PLOD3: variants seen among roughly 807,000 people sequenced by gnomAD.
PLOD3 encodes multifunctional procollagen lysine hydroxylase and glycosyltransferase LH3.
A neutral mutation model predicts 96.9 loss-of-function variants in PLOD3; 73 were observed. The ratio of observed to expected loss-of-function variants is 0.75; its 90% CI spans 0.62 to 0.92. The LOEUF (loss-of-function observed/expected upper bound fraction) is 0.92, where lower values mean the gene tolerates loss of function less well. Among genes scored for constraint, PLOD3 ranks in the 40% least tolerant of loss-of-function variants. The pLI is 0.00. For missense variants in PLOD3, 1,004 were observed against 1,004.3 expected, an observed-to-expected ratio of 1.00 and a Z score of 0.00; for synonymous variants, 454 against 413.7, an observed-to-expected ratio of 1.10 and a Z score of -1.18.
chr7:101,211,727 G>A lies in PLOD3; in HGVS notation c.1233-11C>T, dbSNP rs767111660. On this transcript the variant is annotated splice_polypyrimidine_tract_variant and intron_variant, in intron 11 of 18. Transcript: ENST00000223127. ...GGGGCGATCACCTTCCTGCGGACAG[G>A]TGGGGGTGAGGGCTGGGCAGACGGG... 58 of 1,601,792 alleles carry A rather than the reference G, an allele frequency of 3.6e-5. No homozygotes were observed. Among genetic ancestry groups the A allele is most frequent in the Non-Finnish European group, 4.9e-5 (57 of 1,175,100 alleles).
chr7:101,212,039 G>C (rs1798191879), intron 10 of PLOD3, 89 bp from the exon 11 acceptor site: 1 of 1,058,196 alleles, frequency 9.5e-7, no homozygotes, highest in African/African-American at 1.6e-5. Flanking sequence ...GAAGAGGAGG[G>C]AGGCAGTGTC....
intron 18 of PLOD3, 93 bp downstream of exon 18, chr7:101,206,686 G>T: frequency 2.9e-6 from 4 of 1,394,568 alleles, no homozygotes; most frequent in Non-Finnish European, 4.0e-6. Flanking sequence ...GAAATGGGCA[G>T]GGAGGGGAGC....
chr7:101,216,226 C>G lies in PLOD3; in HGVS notation c.439G>C (p.Glu147Gln). Residue 147 changes from glutamate (E) to glutamine (Q), a missense_variant, in exon 4 of 19, where the codon GAG (glutamate) becomes CAG (glutamine). Physicochemically the swap from Glu to Gln is conservative, Grantham distance 29. Coordinates refer to ENST00000223127, the MANE Select transcript of PLOD3 (RefSeq NM_001084.5). The part of the protein sequence containing the change: ...LFSAESFCWP[E>Q]WGLAEQYPEV... The stretch of plus-strand genomic sequence containing the variant: ...GGGTACTGCTCCGCCAGCCCCCACT[C>G]GGGCCAGCAGAAGCTCTCTGCAGAG... 1 of 1,613,902 alleles carries G rather than the reference C, an allele frequency of 6.2e-7. No homozygotes were observed. Among genetic ancestry groups the G allele is most frequent in the Non-Finnish European group, 8.5e-7 (1 of 1,180,036 alleles).
intron 17 of PLOD3, 50 bp from the exon 18 acceptor site, chr7:101,206,954 G>T (rs1317337871): frequency 7.8e-6 from 12 of 1,542,148 alleles, no homozygotes; most frequent in South Asian, 1.2e-5. Flanking sequence ...GGCGCAGGGG[G>T]TCTTTTATTT....
intron 1 of PLOD3, 39 bp downstream of exon 1, chr7:101,217,127 C>G (rs1323871440): frequency 6.9e-7 from 1 of 1,441,826 alleles, no homozygotes; most frequent in African/African-American, 1.4e-5. Context: ...ACGCCAGCCT[C>G]TGCCCCCTCG....
intron 6 of PLOD3, among the ~76,000 whole-genome samples, chr7:101,214,726 A>G (rs1798240997): frequency 6.6e-6 from 1 of 151,978 alleles, no homozygotes; most frequent in Non-Finnish European, 1.5e-5. Context: ...AATCCCAGCT[A>G]CTCGGGAGGC....
intron 6 of PLOD3, 73 bp from the exon 7 acceptor site, chr7:101,213,277 TG>T: frequency 1.0e-6 from 1 of 984,390 alleles, no homozygotes; most frequent in Non-Finnish European, 1.6e-6. Context: ...CTTCTAAATA[TG>T]GGGTCCCAAA....
At chr7:101,210,762 A>G in intron 12 of PLOD3, 89 bp from the exon 13 acceptor site, 3 of 1,456,238 alleles carry the variant, frequency 2.1e-6, no homozygotes, top group Non-Finnish European at 2.8e-6. Flanking sequence ...CCCTCAGGGT[A>G]TCCCAGTCCC....
At chr7:101,206,731 C>T (rs372567467) in intron 18 of PLOD3, 48 bp downstream of exon 18, 14 of 1,559,818 alleles carry the variant, frequency 9.0e-6, no homozygotes, top group East Asian at 2.4e-5. Context: ...GGTGGGGACC[C>T]GAGGGTCCTG....
Position 101,215,145 on chromosome 7 carries a change from A to C in PLOD3, c.623T>G (p.Leu208Arg), listed in dbSNP as rs370244221. 9 of 1,610,092 alleles carry C rather than the reference A, an allele frequency of 5.6e-6. No individual in the cohort carries two copies. The highest frequency in any genetic ancestry group is 7.7e-6 in the Non-Finnish European group (9 of 1,176,376). ...AGACTTATGATCCAGATTAAGGCTG[A>C]GTTTCTCCTAAATGGAATGAGATGC... ...LYLDPGLREK[L>R]SLNLDHKSRI... The change falls in exon 6 of 19, where the codon CTC becomes CGC. Residue 208 changes from leucine (L) to arginine (R), a missense_variant. This residue lies in a region of PLOD3 where 690 missense variants were observed against 650.2 expected (regional missense o/e 1.06). Transcript: ENST00000223127.
Position 101,217,415 on chromosome 7 carries a change from C to T in PLOD3, c.-141G>A. 1.2e-6 allele frequency: 1 copy of T among 822,350 alleles called. No individual in the cohort carries two copies. The highest frequency in any genetic ancestry group is 1.7e-6 in the Non-Finnish European group (1 of 587,376). 50.9% of individuals were successfully genotyped at this position (822,350 alleles called of 1,614,324 possible). Reference sequence around the variant, plus strand: ...GCGGGGAGCAGCTTGGCTGGGGCTACGCCCTGAAAAAAAGGCGTATCCGGA... The same window carrying T: ...GCGGGGAGCAGCTTGGCTGGGGCTATGCCCTGAAAAAAAGGCGTATCCGGA... On this transcript the variant is annotated 5_prime_UTR_variant, in exon 1 of 19. Coordinates refer to ENST00000223127, the MANE Select transcript of PLOD3 (RefSeq NM_001084.5).
At chr7:101,209,086 C>T in intron 15 of PLOD3, 129 bp from the exon 16 acceptor site, 1 of 722,240 alleles carries the variant, frequency 1.4e-6, no homozygotes, top group Non-Finnish European at 2.5e-6. Context: ...GGGGACCCGC[C>T]AGGTAGGGGC....
Position 101,217,188 on chromosome 7 carries a change from C to G in PLOD3, c.87G>C (p.Arg29=). ...PPAASASDRP[R]GRDPVNPEKL... ...CACCTGGGTTGACCGGGTCTCGGCC[C>G]CGGGGCCGGTCGGAGGCTGAGGCCG... Residue 29 remains arginine (R), a synonymous_variant, in exon 1 of 19, where the codon CGG becomes CGC. Coordinates refer to ENST00000223127, the MANE Select transcript of PLOD3 (RefSeq NM_001084.5). 6.7e-7 allele frequency: 1 copy of G among 1,493,750 alleles called. No individual in the cohort carries two copies. Among genetic ancestry groups the G allele is most frequent in the Non-Finnish European group, 8.9e-7 (1 of 1,122,510 alleles). The allele number at this position is 1,493,750 out of a possible 1,614,324, so 92.5% of individuals were successfully genotyped here.
rs1798207825 is a variant in PLOD3 at position 101,212,837 on chromosome 7, C to T, written c.879+5G>A. 6.2e-7 allele frequency: 1 copy of T among 1,608,438 alleles called. No individual in the cohort carries two copies. Among genetic ancestry groups the T allele is most frequent in the South Asian group, 1.1e-5 (1 of 90,920 alleles). Reference sequence around the variant, plus strand: ...TCGTGCCCCTCCCTGGCACCCCCACCTCACCTGCCCCCCCGGGAGTGTCCT... The same window carrying T: ...TCGTGCCCCTCCCTGGCACCCCCACTTCACCTGCCCCCCCGGGAGTGTCCT... On this transcript the variant is annotated splice_donor_5th_base_variant and intron_variant, in intron 8 of 18. Coordinates refer to ENST00000223127, the MANE Select transcript of PLOD3 (RefSeq NM_001084.5).
intron 17 of PLOD3, 144 bp downstream of exon 17, chr7:101,207,434 G>C: frequency 1.2e-6 from 1 of 827,254 alleles, no homozygotes. Flanking sequence ...CCCCTGGGGT[G>C]CCTCCTGCAG....
rs1041461490 is a variant in PLOD3 at position 101,212,888 on chromosome 7, C to T, written c.833G>A (p.Gly278Asp). 11 of 1,613,652 alleles carry T rather than the reference C, an allele frequency of 6.8e-6. No homozygotes were observed. Among genetic ancestry groups the T allele is most frequent in the Admixed American group, 3.3e-5 (2 of 59,958 alleles). ...CCGGTCCTGGTTGCAGAAGCCACAGCCTCCCTCAGGAGTCCAGCCATTGGG... is the reference window on the plus strand; with the variant it reads ...CCGGTCCTGGTTGCAGAAGCCACAGTCTCCCTCAGGAGTCCAGCCATTGGG... ...YVPNGWTPEG[G>D]CGFCNQDRRT... The change falls in exon 8 of 19, where the codon GGC (glycine) becomes GAC (aspartate). Residue 278 changes from glycine to aspartate, a missense_variant. Gly to Asp is a moderately conservative substitution (Grantham distance 94). Coordinates refer to ENST00000223127, the MANE Select transcript of PLOD3 (RefSeq NM_001084.5).
At chr7:101,208,667 C>T in intron 16 of PLOD3, 186 bp downstream of exon 16, 1 of 612,416 alleles carries the variant, frequency 1.6e-6, no homozygotes. Flanking sequence ...GGATTACAGG[C>T]ATGAGCCACT....
At chr7:101,209,136 G>C (rs74499211) in intron 15 of PLOD3, among the ~76,000 whole-genome samples, 179 bp from the exon 16 acceptor site, 2,132 of 152,304 alleles carry the variant, frequency 0.014, 41 homozygotes, top group East Asian at 0.087. Context: ...TCTGGCACAG[G>C]AGAGGTGGCA....
rs541874165 is a variant in PLOD3 at position 101,206,104 on chromosome 7, G to T, written c.*177C>A. On this transcript the variant is annotated 3_prime_UTR_variant, in exon 19 of 19. Coordinates refer to ENST00000223127, the MANE Select transcript of PLOD3 (RefSeq NM_001084.5). ...GGCGGAGGAGAGAGGCGGGGACTCCGGGAGCTTCCTGAGAGGGCCGTGTCT... is the reference window on the plus strand; with the variant it reads ...GGCGGAGGAGAGAGGCGGGGACTCCTGGAGCTTCCTGAGAGGGCCGTGTCT... 356 of 729,596 alleles carry T rather than the reference G, an allele frequency of 4.9e-4. 2 individuals carry two copies. Among genetic ancestry groups the T allele is most frequent in the Middle Eastern group, 3.0e-3 (8 of 2,658 alleles). 45.2% of individuals were successfully genotyped at this position (729,596 alleles called of 1,614,324 possible). A position where few individuals can be genotyped will look rare whatever the true frequency, so the allele number is the denominator to read the frequency against.
Sources: allele counts gnomAD v4.1 joint callset (sites outside exome capture counted in the v4.1 genomes callset), GRCh38; gene constraint gnomAD v4.1.1; regional missense constraint gnomAD v4.1.1; transcripts MANE v1.5; gene names NCBI Gene and HGNC (gene_info 2026-07-23, HGNC 2026-07-21).